The following CRTAC1 variants were observed in gnomAD, a reference collection of about 807,000 sequenced individuals.
The protein encoded by CRTAC1 is acidic secreted protein in cartilage.
Under a neutral mutation model 67.8 loss-of-function variants are expected in CRTAC1, and 37 were observed. The ratio of observed to expected loss-of-function variants is 0.55; its 90% CI spans 0.42 to 0.72. CRTAC1 has a LOEUF of 0.72. Ranked by LOEUF, CRTAC1 falls within the 30% of genes least tolerant of loss-of-function variation. The probability of loss-of-function intolerance (pLI) is 0.00; values close to 1 mark genes in which losing one functional copy is unlikely to be tolerated. For missense variants in CRTAC1, 780 were observed against 931.6 expected (o/e 0.84, Z 2.12); for synonymous variants, 348 against 371.0 (o/e 0.94, Z 0.71).
chr10:97,936,565 C>A (rs1020440264), intron 2 of CRTAC1, among the ~76,000 whole-genome samples, 199 bp from the exon 3 acceptor site: 7 of 152,172 alleles, frequency 4.6e-5, no homozygotes, highest in Non-Finnish European at 1.0e-4. Flanking sequence ...AGATTTTGCG[C>A]CCGGGCGCAG....
intron 3 of CRTAC1, among the ~76,000 whole-genome samples, chr10:97,924,957 C>T (rs1324549028): frequency 6.6e-6 from 1 of 152,104 alleles, no homozygotes; most frequent in Non-Finnish European, 1.5e-5. Context: ...TAAGAGCCAG[C>T]ATGAGTGAGA....
chr10:98,022,127 G>A (rs375453007), intron 1 of CRTAC1, among the ~76,000 whole-genome samples: 31 of 152,120 alleles, frequency 2.0e-4, no homozygotes, highest in South Asian at 4.2e-4. Flanking sequence ...AGGCCGAGGC[G>A]GGCAGATCAC....
At position 98,002,075 on chromosome 10, in the gene CRTAC1, C is replaced by A. The variant is rs1287547724; in HGVS notation, c.224+9063G>T. Reference sequence around the variant, plus strand: ...CTCCTGCCCTAGGCCTGGGCCTCTGCAGCCTGCAGTAGGGCCCGCGGGACT... The same window carrying A: ...CTCCTGCCCTAGGCCTGGGCCTCTGAAGCCTGCAGTAGGGCCCGCGGGACT... On this transcript the variant is annotated intron_variant, in intron 2 of 14. Coordinates refer to ENST00000370597, the MANE Select transcript of CRTAC1 (RefSeq NM_018058.7). Among the ~76,000 whole-genome samples, 3 of 152,318 alleles carry A rather than the reference C, an allele frequency of 2.0e-5. No homozygotes were observed. The East Asian group carries it at 5.8e-4, about 29-fold the overall frequency.
At chr10:98,020,898 T>C (rs905626989) in intron 1 of CRTAC1, among the ~76,000 whole-genome samples, 2 of 152,140 alleles carry the variant, frequency 1.3e-5, no homozygotes, top group African/African-American at 4.8e-5. Flanking sequence ...AGGAATACTG[T>C]GTCAGTACAG....
intron 3 of CRTAC1, among the ~76,000 whole-genome samples, chr10:97,927,709 G>T (rs1271169232): frequency 6.6e-6 from 1 of 152,246 alleles, no homozygotes; most frequent in Non-Finnish European, 1.5e-5. Flanking sequence ...CAAAATCAAT[G>T]GCAGCCCTTC....
At chr10:97,938,895 T>C (rs533656749) in intron 2 of CRTAC1, among the ~76,000 whole-genome samples, 3 of 152,336 alleles carry the variant, frequency 2.0e-5, no homozygotes, top group Admixed American at 6.5e-5. Context: ...CTCTGCTCCA[T>C]TCAACTAGAA....
chr10:97,948,388 G>T (rs2051297934), intron 2 of CRTAC1, among the ~76,000 whole-genome samples: 1 of 152,180 alleles, frequency 6.6e-6, no homozygotes, highest in East Asian at 1.9e-4. Flanking sequence ...ACTGAGGAGG[G>T]TGCATGGGAG....
At position 97,894,766 on chromosome 10, in the gene CRTAC1, G is replaced by A. The variant is rs1398859509; in HGVS notation, c.1486+479C>T. Among the ~76,000 whole-genome samples the A allele has an allele frequency of 3.3e-3, 187 of 56,758 alleles. 2 individuals carry two copies. Among genetic ancestry groups the A allele is most frequent in the Middle Eastern group, 0.01 (1 of 96 alleles). The allele number at this position is 56,758 out of a possible 152,430, so 37.2% of individuals were successfully genotyped here. A position where few individuals can be genotyped will look rare whatever the true frequency, so the allele number is the denominator to read the frequency against. ...TATATATATATATATATATATATAT[G>A]ATAGGATTTTGTCATCCCCCTGCCC... On this transcript the variant is annotated intron_variant, in intron 11 of 14. Transcript: ENST00000370597.
intron 7 of CRTAC1, among the ~76,000 whole-genome samples, chr10:97,902,170 G>A (rs1174775494): frequency 1.3e-5 from 2 of 152,196 alleles, no homozygotes; most frequent in Admixed American, 6.5e-5. Context: ...TCTTAGGCAA[G>A]TTACTAACCC....
chr10:97,987,911 T>A (rs2136669789), intron 2 of CRTAC1, among the ~76,000 whole-genome samples: 1 of 152,330 alleles, frequency 6.6e-6, no homozygotes, highest in African/African-American at 2.4e-5. Context: ...ACAATGTCCC[T>A]GAAACACAGG....
intron 14 of CRTAC1, 100 bp from the exon 15 acceptor site, chr10:97,865,814 T>TGG: frequency 2.4e-6 from 1 of 413,020 alleles, no homozygotes; most frequent in Non-Finnish European, 4.4e-6. Context: ...CTCACCCTGC[T>TGG]GCCCGGGGTG....
chr10:97,939,527 A>T (rs772633854), intron 2 of CRTAC1, among the ~76,000 whole-genome samples: 3 of 152,088 alleles, frequency 2.0e-5, no homozygotes, highest in Non-Finnish European at 4.4e-5. Context: ...TTGGCACCCC[A>T]TGGTGCAAGG....
At chr10:97,995,612 A>G (rs889198618) in intron 2 of CRTAC1, among the ~76,000 whole-genome samples, 16 of 152,174 alleles carry the variant, frequency 1.1e-4, no homozygotes, top group African/African-American at 3.6e-4. Flanking sequence ...TGGGTTCACA[A>G]ACTTAAGGAA....
Position 98,030,331 on chromosome 10 carries a change from G to T in CRTAC1, c.24+118C>A. 1.6e-6 allele frequency: 1 copy of T among 627,358 alleles called. No homozygotes were observed. 38.9% of individuals were successfully genotyped at this position (627,358 alleles called of 1,614,324 possible). A position where few individuals can be genotyped will look rare whatever the true frequency, so the allele number is the denominator to read the frequency against. ...CGAAGCCGCCGCCTTCGCGATCCCA[G>T]TCTTCCCGGGTTCCCGGGCGGCGTC... On this transcript the variant is annotated intron_variant, in intron 1 of 14. Coordinates refer to ENST00000370597, the MANE Select transcript of CRTAC1 (RefSeq NM_018058.7). This position sits in a 1 kb window ranked among gnomAD's most constrained non-coding sequence, Gnocchi z 4.2.
Position 97,865,118 on chromosome 10 carries a change from T to C in CRTAC1, c.*430A>G, listed in dbSNP as rs2050004831. Reference sequence around the variant, plus strand: ...TCTAATCTCCACACTAACCCCAAGATTCTATTCTTAATCCCCATTTTGCAG... The same window carrying C: ...TCTAATCTCCACACTAACCCCAAGACTCTATTCTTAATCCCCATTTTGCAG... On this transcript the variant is annotated 3_prime_UTR_variant, in exon 15 of 15. Coordinates refer to ENST00000370597, the MANE Select transcript of CRTAC1 (RefSeq NM_018058.7). 6.3e-6 allele frequency: 1 copy of C among 157,604 alleles called. No individual in the cohort carries two copies. Among genetic ancestry groups the C allele is most frequent in the Non-Finnish European group, 1.4e-5 (1 of 71,858 alleles). 9.8% of individuals were successfully genotyped at this position (157,604 alleles called of 1,614,324 possible). A position where few individuals can be genotyped will look rare whatever the true frequency, so the allele number is the denominator to read the frequency against.
intron 12 of CRTAC1, 47 bp from the exon 13 acceptor site, chr10:97,882,875 C>A (rs759793385): frequency 6.3e-7 from 1 of 1,595,104 alleles, no homozygotes; most frequent in Non-Finnish European, 8.6e-7. Flanking sequence ...GAGAAGGTCC[C>A]ATCCCAGGTT....
intron 2 of CRTAC1, among the ~76,000 whole-genome samples, chr10:98,005,098 A>T (rs866443038): frequency 0.015 from 578 of 38,108 alleles, 10 homozygotes; most frequent in African/African-American, 0.054. Flanking sequence ...ATATATATAT[A>T]TATTTTTTTT....
chr10:98,011,810 G>A (rs1203494675), intron 1 of CRTAC1, among the ~76,000 whole-genome samples: 1 of 152,286 alleles, frequency 6.6e-6, no homozygotes, highest in African/African-American at 2.4e-5. Context: ...GGGAGATGGG[G>A]AGGGAAAGGT....
intron 2 of CRTAC1, among the ~76,000 whole-genome samples, chr10:97,992,119 C>A (rs897519645): frequency 6.6e-6 from 1 of 152,170 alleles, no homozygotes; most frequent in African/African-American, 2.4e-5. Flanking sequence ...CCGGATGGAG[C>A]AATAGCTGAT....
Sources: allele counts gnomAD v4.1 joint callset (sites outside exome capture counted in the v4.1 genomes callset), GRCh38; gene constraint gnomAD v4.1.1; non-coding constraint Gnocchi (gnomAD v3.1); transcripts MANE v1.5; gene names NCBI Gene and HGNC (gene_info 2026-07-23, HGNC 2026-07-21).